The following ITPR2 variants were observed in gnomAD, a reference collection of about 807,000 sequenced individuals.
ITPR2 encodes inositol 1,4,5-trisphosphate-gated calcium channel ITPR2.
ITPR2 carries 207 observed loss-of-function variants against 317.1 expected under a neutral mutation model. That is an observed-to-expected ratio of 0.65 (90% CI 0.58 to 0.73). The LOEUF (loss-of-function observed/expected upper bound fraction) is 0.73, where lower values mean the gene tolerates loss of function less well. Among genes scored for constraint, ITPR2 ranks in the 30% least tolerant of loss-of-function variants. The pLI is 0.00. For synonymous variants in ITPR2, 1,156 were observed against 1,149.1 expected, an observed-to-expected ratio of 1.01 and a Z score of -0.12; for missense variants, 2,613 against 3,284.0, an observed-to-expected ratio of 0.80 and a Z score of 4.99.
chr12:26,769,145 G>A (rs1949795413), intron 2 of ITPR2, among the ~76,000 whole-genome samples: 1 of 152,156 alleles, frequency 6.6e-6, no homozygotes. Context: ...CAGCTGAAGG[G>A]CAAGCAAGGT....
intron 26 of ITPR2, among the ~76,000 whole-genome samples, chr12:26,611,263 G>A (rs556502045): frequency 1.8e-4 from 28 of 152,278 alleles, no homozygotes; most frequent in Middle Eastern, 6.8e-3. Flanking sequence ...CAGCCACCTC[G>A]TTGTCCAGAC....
At chr12:26,628,787 G>A (rs1205501639) in intron 22 of ITPR2, among the ~76,000 whole-genome samples, 1 of 152,200 alleles carries the variant, frequency 6.6e-6, no homozygotes, top group Non-Finnish European at 1.5e-5. Context: ...AACACGTGAA[G>A]CCTACTGCCC....
At chr12:26,764,106 G>T (rs1164393754) in intron 2 of ITPR2, among the ~76,000 whole-genome samples, 1 of 152,036 alleles carries the variant, frequency 6.6e-6, no homozygotes, top group Non-Finnish European at 1.5e-5. Flanking sequence ...ATTAAGTAAA[G>T]GTAGTCTTTG....
At chr12:26,464,021 C>T (rs763853433) in intron 45 of ITPR2, among the ~76,000 whole-genome samples, 2 of 152,130 alleles carry the variant, frequency 1.3e-5, no homozygotes, top group Non-Finnish European at 2.9e-5. Context: ...ATCTAAAATG[C>T]AAGCCCCACC....
At chr12:26,343,832 C>T (rs561856752) in intron 55 of ITPR2, among the ~76,000 whole-genome samples, 4 of 152,116 alleles carry the variant, frequency 2.6e-5, no homozygotes, top group Non-Finnish European at 5.9e-5. Context: ...TTTTCTAGGG[C>T]TCTTAATACA....
At position 26,808,857 on chromosome 12, in the gene ITPR2, C is replaced by T. The variant is rs149909088; in HGVS notation, c.93-18630G>A. 2.7e-4 allele frequency among the ~76,000 whole-genome samples: 41 copies of T among 152,296 alleles called. No homozygotes were observed. The East Asian group carries it at 6.4e-3, about 24-fold the overall frequency. ...CAGAGGTGTGTTCAAAGAGAACACA[C>T]TCTATTCAACAGGCATTTCACAGAA... On this transcript the variant is annotated intron_variant, in intron 1 of 56. Coordinates refer to ENST00000381340, the MANE Select transcript of ITPR2 (RefSeq NM_002223.4).
chr12:26,570,043 TACTC>T (rs1945118739), intron 34 of ITPR2, among the ~76,000 whole-genome samples: 1 of 152,198 alleles, frequency 6.6e-6, no homozygotes. Flanking sequence ...AAGAATGAGA[TACTC>T]ACCCATTTAT....
At chr12:26,638,812 C>T (rs1946916718) in intron 21 of ITPR2, among the ~76,000 whole-genome samples, 1 of 152,126 alleles carries the variant, frequency 6.6e-6, no homozygotes, top group South Asian at 2.1e-4. Flanking sequence ...AAGAAAATAA[C>T]AGGTTAAATC....
At chr12:26,394,393 G>A (rs1332177090) in intron 54 of ITPR2, among the ~76,000 whole-genome samples, 1 of 152,152 alleles carries the variant, frequency 6.6e-6, no homozygotes, top group Non-Finnish European at 1.5e-5. Context: ...GTGTGAGATC[G>A]GAGAAGACTT....
intron 41 of ITPR2, 98 bp from the exon 42 acceptor site, chr12:26,483,996 G>C: frequency 3.0e-6 from 3 of 1,016,814 alleles, no homozygotes; most frequent in African/African-American, 1.6e-5. Context: ...ACTTTTCTTT[G>C]TAAGAAAAGT....
At chr12:26,550,758 C>G (rs1173645901) in intron 36 of ITPR2, among the ~76,000 whole-genome samples, 4 of 151,986 alleles carry the variant, frequency 2.6e-5, no homozygotes, top group Non-Finnish European at 5.9e-5. Flanking sequence ...ATTAAGCATA[C>G]AGTAGCAGTG....
intron 1 of ITPR2, among the ~76,000 whole-genome samples, chr12:26,801,509 C>G (rs537629637): frequency 6.6e-6 from 1 of 152,162 alleles, no homozygotes; most frequent in Non-Finnish European, 1.5e-5. Flanking sequence ...CTACTGCTAC[C>G]TTCCTTGATG....
intron 2 of ITPR2, among the ~76,000 whole-genome samples, chr12:26,759,526 A>C (rs1949590509): frequency 6.6e-6 from 1 of 152,232 alleles, no homozygotes; most frequent in Non-Finnish European, 1.5e-5. Context: ...AAATTGCACT[A>C]ATTTGGCAAA....
Position 26,488,561 on chromosome 12 carries a change from T to C in ITPR2, c.5371-1310A>G, listed in dbSNP as rs11832453. Among the ~76,000 whole-genome samples the C allele has an allele frequency of 4.5e-3, 687 of 152,272 alleles. 5 individuals are homozygous for C. The highest frequency in any genetic ancestry group is 0.016 in the African/African-American group (645 of 41,564). ...CTGCACACCTACAAGGGTAAGCTCC[T>C]ACACAGAGGGCAAGCAACCCTCAAG... On this transcript the variant is annotated intron_variant, in intron 39 of 56. Coordinates refer to ENST00000381340, the MANE Select transcript of ITPR2 (RefSeq NM_002223.4).
At chr12:26,517,270 T>A (rs575098636) in intron 37 of ITPR2, among the ~76,000 whole-genome samples, 9 of 152,232 alleles carry the variant, frequency 5.9e-5, no homozygotes, top group Admixed American at 2.6e-4. Flanking sequence ...ACCTACAGAA[T>A]GGGAGAAAAT....
At chr12:26,650,776 T>C (rs1447969290) in intron 21 of ITPR2, among the ~76,000 whole-genome samples, 1 of 152,204 alleles carries the variant, frequency 6.6e-6, no homozygotes, top group African/African-American at 2.4e-5. Flanking sequence ...TCAAGTGTTA[T>C]GTACCCTCTG....
intron 50 of ITPR2, among the ~76,000 whole-genome samples, chr12:26,418,836 G>A (rs1024249714): frequency 6.6e-6 from 1 of 151,714 alleles, no homozygotes; most frequent in Non-Finnish European, 1.5e-5. Context: ...TTCTCAAAGA[G>A]GAAATAAAGA....
intron 1 of ITPR2, among the ~76,000 whole-genome samples, chr12:26,791,143 A>T (rs1439724137): frequency 1.3e-5 from 2 of 152,220 alleles, no homozygotes; most frequent in African/African-American, 4.8e-5. Flanking sequence ...AATTTGTAGG[A>T]CAATTTCAAG....
intron 2 of ITPR2, among the ~76,000 whole-genome samples, chr12:26,781,992 GTATATATA>G (rs1161714052): frequency 0.076 from 4,291 of 56,358 alleles, 125 homozygotes; most frequent in South Asian, 0.13. Context: ...AAACTCCCCT[GTATATATA>G]TATATATATA....
Sources: gnomAD v4.1 joint callset for allele counts (sites outside exome capture counted in the v4.1 genomes callset) on GRCh38, gnomAD v4.1.1 for gene constraint, MANE v1.5 for transcripts, NCBI Gene and HGNC (gene_info 2026-07-23, HGNC 2026-07-21) for gene names.